The following NXPE3 variants were observed in gnomAD, a reference collection of about 807,000 sequenced individuals.
NXPE3 encodes NXPE family member 3.
NXPE3 carries 26 observed loss-of-function variants against 46.1 expected under a neutral mutation model. That is an observed-to-expected ratio of 0.56 (90% CI 0.41 to 0.78). The LOEUF (loss-of-function observed/expected upper bound fraction) is 0.78, where lower values mean the gene tolerates loss of function less well. Among genes scored for constraint, NXPE3 ranks in the 30% least tolerant of loss-of-function variants. The probability of loss-of-function intolerance (pLI) is 0.00; values close to 1 mark genes in which losing one functional copy is unlikely to be tolerated. For synonymous variants in NXPE3, 272 were observed against 257.9 expected, an observed-to-expected ratio of 1.05 and a Z score of -0.52; for missense variants, 620 against 686.0, an observed-to-expected ratio of 0.90 and a Z score of 1.07.
At chr3:101,798,600 ATATT>A (rs1940971419) in intron 4 of NXPE3, among the ~76,000 whole-genome samples, 2 of 127,338 alleles carry the variant, frequency 1.6e-5, no homozygotes, top group African/African-American at 5.9e-5. Flanking sequence ...ATATATATAT[ATATT>A]TTTTTTTTTT....
chr3:101,800,950 G>A (rs956729831), intron 4 of NXPE3, among the ~76,000 whole-genome samples: 2 of 152,062 alleles, frequency 1.3e-5, no homozygotes, highest in Non-Finnish European at 2.9e-5. Flanking sequence ...TCTCAAGTTG[G>A]TTAGGCTCTG....
intron 6 of NXPE3, among the ~76,000 whole-genome samples, chr3:101,810,813 TTTTTTTGTTG>T (rs1011100940): frequency 3.3e-5 from 5 of 149,414 alleles, no homozygotes; most frequent in African/African-American, 5.1e-5. Context: ...TTGAATGAAC[TTTTTTTGTTG>T]TTTTTTTTTG....
At chr3:101,820,974 TAACA>T (rs1181239755) in intron 7 of NXPE3, among the ~76,000 whole-genome samples, 1 of 152,178 alleles carries the variant, frequency 6.6e-6, no homozygotes, top group Admixed American at 6.5e-5. Context: ...TTTTCCTATG[TAACA>T]AACCTTTACG....
intron 7 of NXPE3, among the ~76,000 whole-genome samples, chr3:101,820,467 G>T (rs1469162921): frequency 6.6e-6 from 1 of 152,198 alleles, no homozygotes; most frequent in Non-Finnish European, 1.5e-5. Flanking sequence ...AAGCAGTATG[G>T]TGATTCCTCA....
chr3:101,809,145 G>A (rs1941592738), intron 6 of NXPE3, among the ~76,000 whole-genome samples: 1 of 151,996 alleles, frequency 6.6e-6, no homozygotes, highest in African/African-American at 2.4e-5. Context: ...GGTTTATGAT[G>A]TACTCTTCTG....
At chr3:101,808,937 C>T (rs1037184827) in intron 6 of NXPE3, among the ~76,000 whole-genome samples, 4 of 147,750 alleles carry the variant, frequency 2.7e-5, no homozygotes, top group African/African-American at 1.0e-4. Context: ...AGTAGTACTG[C>T]GCTCTAAACA....
intron 4 of NXPE3, among the ~76,000 whole-genome samples, chr3:101,787,546 T>A (rs1940264728): frequency 6.6e-6 from 1 of 152,226 alleles, no homozygotes; most frequent in South Asian, 2.1e-4. Context: ...CCTCAAGCGA[T>A]CCTCCCACCT....
intron 4 of NXPE3, among the ~76,000 whole-genome samples, chr3:101,799,747 T>C (rs746937929): frequency 5.3e-5 from 8 of 152,174 alleles, no homozygotes; most frequent in Non-Finnish European, 7.3e-5. Context: ...TATATTTGAT[T>C]TCCACTAGTT....
Position 101,801,844 on chromosome 3 carries a change from C to G in NXPE3, c.703C>G (p.Leu235Val). The change falls in exon 5 of 8, where the codon CTG becomes GTG. Residue 235 changes from leucine (L) to valine (V), a missense_variant. Leu to Val is a conservative substitution (Grantham distance 32). Around this residue, in one of 3 missense-constraint regions of NXPE3, gnomAD observed 511 missense variants for 528.6 expected, o/e 0.97. Coordinates refer to ENST00000273347, the MANE Select transcript of NXPE3 (RefSeq NM_145037.4). ...CNVCLPGNLP[L>V]CNFTDLYTGE... ...CGTGTGTCTTCCTGGGAATCTGCCC[C>G]TGTGTAACTTTACAGACCTCTACAC... is the stretch of plus-strand genomic sequence containing the variant. The G allele has an allele frequency of 6.2e-7, 1 of 1,614,118 alleles. No homozygotes were observed. The highest frequency in any genetic ancestry group is 8.5e-7 in the Non-Finnish European group (1 of 1,180,006).
At chr3:101,799,680 T>G (rs930487192) in intron 4 of NXPE3, among the ~76,000 whole-genome samples, 11 of 152,204 alleles carry the variant, frequency 7.2e-5, no homozygotes, top group African/African-American at 2.7e-4. Flanking sequence ...TGCCTCGGCC[T>G]CCCAAAGTGC....
At chr3:101,779,709 G>C (rs1939704999) in intron 1 of NXPE3, 1 of 152,504 alleles carries the variant, frequency 6.6e-6, no homozygotes, top group Non-Finnish European at 1.5e-5. Context: ...CCTCCACGCC[G>C]CAGCGAAAGA....
chr3:101,811,002 T>C (rs1349266717), intron 6 of NXPE3, among the ~76,000 whole-genome samples: 1 of 152,136 alleles, frequency 6.6e-6, no homozygotes, highest in African/African-American at 2.4e-5. Flanking sequence ...CTGTTTTTAG[T>C]AGAGACGGGG....
intron 3 of NXPE3, among the ~76,000 whole-genome samples, chr3:101,783,633 TG>T (rs1939966474): frequency 6.6e-6 from 1 of 152,242 alleles, no homozygotes; most frequent in South Asian, 2.1e-4. Context: ...TGCTGCTGCC[TG>T]GCTGAACCAC....
intron 7 of NXPE3, 127 bp from the exon 8 acceptor site, chr3:101,821,277 C>A: frequency 1.4e-6 from 1 of 706,218 alleles, no homozygotes; most frequent in Non-Finnish European, 2.4e-6. Flanking sequence ...ATTCCCTTTA[C>A]ATTTATATTG....
intron 6 of NXPE3, among the ~76,000 whole-genome samples, chr3:101,812,692 G>C (rs867180703): frequency 6.6e-6 from 1 of 151,402 alleles, no homozygotes; most frequent in African/African-American, 2.4e-5. Context: ...GGCGCCTGTA[G>C]TCCCAGCTAC....
In NXPE3 at chr3:101,782,725, C is replaced by A. The variant is rs1939896513; in HGVS notation, c.-251C>A. 1 of 152,100 alleles carries A rather than the reference C, an allele frequency of 6.6e-6. No homozygotes were observed. The highest frequency in any genetic ancestry group is 2.4e-5 in the African/African-American group (1 of 41,374). The allele number at this position is 152,100 out of a possible 1,614,324, so 9.4% of individuals were successfully genotyped here. On this transcript the variant is annotated 5_prime_UTR_variant, in exon 3 of 8. Coordinates refer to ENST00000273347, the MANE Select transcript of NXPE3 (RefSeq NM_145037.4). ...TGATCATGGTTCACTGCAGCCTCGA[C>A]CTCCCAGGCTCAAGCAATTCTCCTA...
At chr3:101,818,547 G>A (rs1406125991) in intron 7 of NXPE3, among the ~76,000 whole-genome samples, 3 of 151,510 alleles carry the variant, frequency 2.0e-5, no homozygotes, top group Non-Finnish European at 4.4e-5. Flanking sequence ...AATAAAGCCT[G>A]TGTCAGTGCT....
intron 5 of NXPE3, among the ~76,000 whole-genome samples, chr3:101,803,344 G>A (rs950110980): frequency 8.5e-5 from 13 of 152,100 alleles, no homozygotes; most frequent in African/African-American, 2.9e-4. Flanking sequence ...GTGGGTTCAT[G>A]CCATACTTTT....
In NXPE3 at chr3:101,821,587, C is replaced by A; in HGVS notation, c.1313C>A (p.Thr438Lys). ...AATGGCATTGTGGGAGGGAAGAACA[C>A]AGTGGTTGCCATAGCTGTATGGTCT... ...ELNGIVGGKN[T>K]VVAIAVWSHF... is the part of the protein sequence containing the mutation. The change falls in exon 8 of 8, where the codon ACA becomes AAA. Residue 438 changes from threonine to lysine, a missense_variant. Coordinates refer to ENST00000273347, the MANE Select transcript of NXPE3 (RefSeq NM_145037.4). 6.2e-7 allele frequency: 1 copy of A among 1,614,156 alleles called. No individual in the cohort carries two copies. Among genetic ancestry groups the A allele is most frequent in the South Asian group, 1.1e-5 (1 of 91,080 alleles).
Sources: gnomAD v4.1 joint callset for allele counts (sites outside exome capture counted in the v4.1 genomes callset) on GRCh38, gnomAD v4.1.1 for gene constraint, gnomAD v4.1.1 regional missense constraint, MANE v1.5 for transcripts, NCBI Gene and HGNC (gene_info 2026-07-23, HGNC 2026-07-21) for gene names.